Variants in REPS2 observed in about 807,000 individuals in gnomAD.
REPS2 encodes the protein RALBP1 associated Eps domain containing 2, also known as ralBP1-associated Eps domain-containing protein 2.
A neutral mutation model predicts 53.6 loss-of-function variants in REPS2; 23 were observed. That is an observed-to-expected ratio of 0.43 (90% CI 0.31 to 0.61). The LOEUF (loss-of-function observed/expected upper bound fraction) is 0.61, where lower values mean the gene tolerates loss of function less well. Ranked by LOEUF, REPS2 falls within the 20% of genes least tolerant of loss-of-function variation. REPS2 has a pLI of 0.11. For synonymous variants in REPS2, 238 were observed against 218.6 expected (o/e 1.09, Z -0.78); for missense variants, 446 against 534.9 (o/e 0.83, Z 1.64).
chrX:16,947,062 G>A lies in REPS2; in HGVS notation c.201G>A (p.Thr67=). ...PPEAARVAPG[T]ATAAAGPVAD... is the part of the protein sequence containing the mutation. ...AGGCCGCCAGAGTCGCCCCCGGCACGGCCACTGCGGCCGCCGGCCCCGTGG... is the reference window on the plus strand; with the variant it reads ...AGGCCGCCAGAGTCGCCCCCGGCACAGCCACTGCGGCCGCCGGCCCCGTGG... Residue 67 remains threonine, a synonymous_variant, in exon 1 of 18, where the codon ACG becomes ACA. Transcript: ENST00000357277. 3 of 1,049,923 alleles carry A rather than the reference G, an allele frequency of 2.9e-6. No homozygotes were observed. The highest frequency in any genetic ancestry group is 3.7e-6 in the Non-Finnish European group (3 of 819,187). 86.5% of individuals were successfully genotyped at this position (1,049,923 alleles called of 1,213,427 possible). A position where few individuals can be genotyped will look rare whatever the true frequency, so the allele number is the denominator to read the frequency against.
At chrX:17,129,089 G>T (rs920233149) in intron 14 of REPS2, among the ~76,000 whole-genome samples, 32 of 111,395 alleles carry the variant, frequency 2.9e-4, no homozygotes, top group Non-Finnish European at 5.3e-4. Context: ...AAAACTGTCG[G>T]ACAAAGCCAT....
At chrX:17,135,209 G>A (rs2063349548) in intron 15 of REPS2, 52 bp from the exon 16 acceptor site, 1 of 1,140,156 alleles carries the variant, frequency 8.8e-7, no homozygotes, top group Non-Finnish European at 1.2e-6. Context: ...AAGAGTGGAG[G>A]GAACATTGAA....
chrX:17,105,215 C>T (rs1286615403), intron 14 of REPS2, among the ~76,000 whole-genome samples: 1 of 111,125 alleles, frequency 9.0e-6, no homozygotes, highest in Non-Finnish European at 1.9e-5. Context: ...ATCCATTACA[C>T]TTGCAATGGA....
chrX:17,145,196 G>A (rs2063497179), intron 17 of REPS2, among the ~76,000 whole-genome samples: 1 of 111,471 alleles, frequency 9.0e-6, no homozygotes, highest in Non-Finnish European at 1.9e-5. Flanking sequence ...TTTTAGTGGT[G>A]CTCCAGGAGG....
Position 17,152,690 on chromosome X carries a change from G to A in REPS2, c.*5209G>A, listed in dbSNP as rs1202115930. On this transcript the variant is annotated 3_prime_UTR_variant, in exon 18 of 18. Transcript: ENST00000357277. ...TGATTATGCAACCCCATTGTGTGGA[G>A]ATTGGATCAACTGAGTTGTGTTATT... is the stretch of plus-strand genomic sequence containing the variant. 2.7e-5 allele frequency: 3 copies of A among 112,636 alleles called. No individual in the cohort carries two copies. Among genetic ancestry groups the A allele is most frequent in the African/African-American group, 9.7e-5 (3 of 30,895 alleles). 9.3% of individuals were successfully genotyped at this position (112,636 alleles called of 1,213,427 possible). A position where few individuals can be genotyped will look rare whatever the true frequency, so the allele number is the denominator to read the frequency against.
At chrX:17,018,332 G>A (rs1422340026) in intron 2 of REPS2, among the ~76,000 whole-genome samples, 4 of 108,031 alleles carry the variant, frequency 3.7e-5, no homozygotes, top group East Asian at 2.9e-4. Context: ...GATTACAGGC[G>A]CATGCACCAC....
chrX:16,995,522 CATAAAG>C (rs2061223827), intron 1 of REPS2, among the ~76,000 whole-genome samples: 1 of 111,944 alleles, frequency 8.9e-6, no homozygotes, highest in South Asian at 3.7e-4. Context: ...AAATAGTACT[CATAAAG>C]AGAAAAGCAT....
chrX:17,071,540 C>G lies in REPS2; in HGVS notation c.1333+1547C>G, dbSNP rs111758036. 6.2e-3 allele frequency among the ~76,000 whole-genome samples: 690 copies of G among 111,420 alleles called. 6 individuals are homozygous for G. The highest frequency in any genetic ancestry group is 0.022 in the African/African-American group (666 of 30,653). ...GGAATTGATTTCTCGTTGTGCCTGG[C>G]AGCATGCTATGTGTTTTCTGATTTG... On this transcript the variant is annotated intron_variant, in intron 11 of 17. Transcript: ENST00000357277.
At chrX:17,185,538 A>T in the REPS2 span, among the ~76,000 whole-genome samples, 1 of 111,716 alleles carries the variant, frequency 9.0e-6, no homozygotes, top group Non-Finnish European at 1.9e-5. Flanking sequence ...AAAAGCCCAG[A>T]ACTGTGCTAC....
Position 17,098,073 on chromosome X carries a change from G to A in REPS2, c.1517-5645G>A, listed in dbSNP as rs1603010666. Reference sequence around the variant, plus strand: ...CTCCACCTGAATGAAGCATAATAGAGGACCATATGAGAAAGGAAATCACTT... The same window carrying A: ...CTCCACCTGAATGAAGCATAATAGAAGACCATATGAGAAAGGAAATCACTT... On this transcript the variant is annotated intron_variant, in intron 13 of 17. Transcript: ENST00000357277. Among the ~76,000 whole-genome samples, 3 of 110,907 alleles carry A rather than the reference G, an allele frequency of 2.7e-5. 1 individual carries two copies.
chrX:17,142,682 C>A (rs2063461094), intron 17 of REPS2, among the ~76,000 whole-genome samples: 1 of 111,685 alleles, frequency 9.0e-6, no homozygotes, highest in South Asian at 3.7e-4. Flanking sequence ...ACTAGAATTG[C>A]TAAAACAAAA....
intron 2 of REPS2, among the ~76,000 whole-genome samples, chrX:17,019,133 T>C (rs2061538058): frequency 8.9e-6 from 1 of 112,007 alleles, no homozygotes; most frequent in African/African-American, 3.2e-5. Context: ...TATCTGTATC[T>C]CTATCAAATA....
rs2062728027 is a variant in REPS2, at chrX:17,097,943, C to T, written c.1517-5775C>T. On this transcript the variant is annotated intron_variant, in intron 13 of 17. Transcript: ENST00000357277. ...TAAAGAAAACTCCGGGCTCAGGTGG[C>T]TCTCCTGGGAAAATTTTTATTTGAT... is the stretch of plus-strand genomic sequence containing the variant. Among the ~76,000 whole-genome samples the T allele has an allele frequency of 2.7e-5, 3 of 111,344 alleles. No homozygotes were observed. The South Asian group carries it at 1.1e-3, about 42-fold the overall frequency.
downstream of REPS2, among the ~76,000 whole-genome samples, chrX:17,157,692 C>A (rs1391185914): frequency 8.9e-6 from 1 of 112,181 alleles, no homozygotes; most frequent in Non-Finnish European, 1.9e-5. Flanking sequence ...GATTGAGAAA[C>A]TGTTACAGAA....
intron 1 of REPS2, among the ~76,000 whole-genome samples, chrX:16,963,719 A>G (rs1245850722): frequency 8.9e-6 from 1 of 111,815 alleles, no homozygotes; most frequent in Non-Finnish European, 1.9e-5. Flanking sequence ...GTGCAGCACA[A>G]GGTTGCGCTG....
downstream of REPS2, among the ~76,000 whole-genome samples, chrX:17,157,530 G>A (rs1220556862): frequency 8.9e-6 from 1 of 112,058 alleles, no homozygotes; most frequent in Non-Finnish European, 1.9e-5. Context: ...CTGCAACTTG[G>A]CAATGCCTAG....
the REPS2 span, among the ~76,000 whole-genome samples, chrX:17,173,253 C>T: frequency 9.0e-6 from 1 of 111,575 alleles, no homozygotes; most frequent in Non-Finnish European, 1.9e-5. Context: ...GCTGTGTTCT[C>T]ATCTGGAGGT....
At chrX:17,135,083 A>G (rs2063347516) in intron 15 of REPS2, among the ~76,000 whole-genome samples, 178 bp from the exon 16 acceptor site, 1 of 110,576 alleles carries the variant, frequency 9.0e-6, no homozygotes, top group African/African-American at 3.3e-5. Context: ...AAAAAAGGGA[A>G]GACCACTGGA....
chrX:17,047,258 C>T, intron 5 of REPS2, 89 bp from the exon 6 acceptor site: 1 of 1,014,035 alleles, frequency 9.9e-7, no homozygotes, highest in Non-Finnish European at 1.4e-6. Flanking sequence ...TTAAGCATAA[C>T]ACATGATAAC....
Sources: gnomAD v4.1 joint callset for allele counts (sites outside exome capture counted in the v4.1 genomes callset) on GRCh38, gnomAD v4.1.1 for gene constraint, MANE v1.5 for transcripts, NCBI Gene and HGNC (gene_info 2026-07-23, HGNC 2026-07-21) for gene names.